The following ETV5 variants were observed in gnomAD, a reference collection of about 807,000 sequenced individuals.
ETV5 encodes ETS translocation variant 5.
In ETV5, 10 loss-of-function variants were observed where a neutral mutation model predicts 70.0. The ratio of observed to expected loss-of-function variants is 0.14; its 90% CI spans 0.09 to 0.24. The LOEUF (loss-of-function observed/expected upper bound fraction) is 0.24. ETV5 is among the 10% of genes least tolerant of loss of function. The pLI, the probability that ETV5 is intolerant of heterozygous loss-of-function variation, is 1.00. For missense variants in ETV5, 453 were observed against 651.2 expected (o/e 0.70, Z 3.31); for synonymous variants, 216 against 242.2 (o/e 0.89, Z 1.01).
chr3:186,061,094 C>T (rs1713293501), intron 9 of ETV5, among the ~76,000 whole-genome samples: 1 of 152,154 alleles, frequency 6.6e-6, no homozygotes, highest in Non-Finnish European at 1.5e-5. Flanking sequence ...GAGTGCGAAG[C>T]AGCTACCCAT....
chr3:186,082,178 T>C (rs576723387), intron 5 of ETV5, among the ~76,000 whole-genome samples: 1 of 152,216 alleles, frequency 6.6e-6, no homozygotes, highest in Non-Finnish European at 1.5e-5. Flanking sequence ...AGGGCTGCCT[T>C]CTAGTTGAGT....
At chr3:186,100,482 T>C (rs1714426657) in intron 5 of ETV5, among the ~76,000 whole-genome samples, 1 of 152,160 alleles carries the variant, frequency 6.6e-6, no homozygotes, top group Admixed American at 6.5e-5. Flanking sequence ...TGTACTAAAC[T>C]CACACATTAA....
intron 5 of ETV5, among the ~76,000 whole-genome samples, chr3:186,097,682 C>T (rs1489809945): frequency 2.0e-5 from 3 of 152,204 alleles, no homozygotes; most frequent in African/African-American, 4.8e-5. Context: ...CCCAGGCCAT[C>T]AGCCCGGCAG....
rs1712888709 is a variant in ETV5 at position 186,046,729 on chromosome 3, A to G, written c.*1910T>C. 4.3e-6 allele frequency: 1 copy of G among 233,196 alleles called. No individual in the cohort carries two copies. Among genetic ancestry groups the G allele is most frequent in the South Asian group, 1.8e-4 (1 of 5,516 alleles). The allele number at this position is 233,196 out of a possible 1,614,324, so 14.4% of individuals were successfully genotyped here. A position where few individuals can be genotyped will look rare whatever the true frequency, so the allele number is the denominator to read the frequency against. On this transcript the variant is annotated 3_prime_UTR_variant, in exon 13 of 13. Coordinates refer to ENST00000306376, the MANE Select transcript of ETV5 (RefSeq NM_004454.3). ...GTAAAGAAAGGAAAACCAAATCTAT[A>G]CAGCATTTACAACAAATAAATCTCT...
chr3:186,048,879 C>G lies in ETV5; in HGVS notation c.1312-19G>C. On this transcript the variant is annotated intron_variant, in intron 12 of 12. Transcript: ENST00000306376. ...CAGCCACCTGCGGGAGAACACACAC[C>G]TTACAGGGCCCAGTTGGAACAGGGC... 1.9e-6 allele frequency: 3 copies of G among 1,601,826 alleles called. No homozygotes were observed. Among genetic ancestry groups the G allele is most frequent in the Non-Finnish European group, 2.6e-6 (3 of 1,170,298 alleles).
intron 9 of ETV5, among the ~76,000 whole-genome samples, chr3:186,058,156 A>T (rs1310761123): frequency 3.3e-5 from 5 of 151,314 alleles, no homozygotes; most frequent in African/African-American, 4.9e-5. Context: ...CAACACATGC[A>T]AACGAAATAA....
intron 5 of ETV5, among the ~76,000 whole-genome samples, chr3:186,100,302 T>G (rs1187209873): frequency 1.3e-5 from 2 of 152,204 alleles, no homozygotes; most frequent in Non-Finnish European, 2.9e-5. Context: ...AACCTCTTAT[T>G]TTTAAAGTGC....
rs1713851575 is a variant in ETV5 at position 186,078,501 on chromosome 3, G to A, written c.650+1316C>T. Among the ~76,000 whole-genome samples the A allele has an allele frequency of 2.0e-5, 3 of 151,992 alleles. No individual in the cohort carries two copies. The South Asian group carries it at 6.2e-4, about 32-fold the overall frequency. On this transcript the variant is annotated intron_variant, in intron 7 of 12. Coordinates refer to ENST00000306376, the MANE Select transcript of ETV5 (RefSeq NM_004454.3). ...GAGAAGTTTTGTTTAGTCTGCAGAG[G>A]TGTTGTTTTTAATTTGAATTAGTTG...
intron 7 of ETV5, among the ~76,000 whole-genome samples, chr3:186,069,088 T>TTAAACTGAAGAGATCTGTG (rs1405306645): frequency 2.0e-5 from 3 of 152,204 alleles, no homozygotes; most frequent in Admixed American, 6.5e-5. Context: ...ATTTACAATC[T>TTAAACTGAAGAGATCTGTG]TAAACTGAAG....
intron 5 of ETV5, among the ~76,000 whole-genome samples, chr3:186,094,321 T>A (rs1714253587): frequency 6.6e-6 from 1 of 152,226 alleles, no homozygotes; most frequent in Non-Finnish European, 1.5e-5. Context: ...CGATTATCTA[T>A]CACTGAATAG....
chr3:186,089,932 C>G (rs1578556818), intron 5 of ETV5, among the ~76,000 whole-genome samples: 1 of 152,294 alleles, frequency 6.6e-6, no homozygotes, highest in East Asian at 1.9e-4. Context: ...GAATGTCAAT[C>G]TGTGGAGACG....
intron 11 of ETV5, among the ~76,000 whole-genome samples, chr3:186,053,457 C>A (rs573129826): frequency 1.3e-5 from 2 of 152,194 alleles, no homozygotes; most frequent in East Asian, 1.9e-4. Context: ...AGAGAGAAAA[C>A]AGCATTTCAC....
chr3:186,079,023 A>G (rs950300240), intron 7 of ETV5: 2 of 1,061,548 alleles, frequency 1.9e-6, no homozygotes, highest in African/African-American at 1.6e-5. Flanking sequence ...ATAGATAGAT[A>G]TGAAATACCA....
chr3:186,101,974 A>C (rs746491211), intron 5 of ETV5, among the ~76,000 whole-genome samples: 1 of 152,208 alleles, frequency 6.6e-6, no homozygotes. Flanking sequence ...TCCATGCTTT[A>C]CTGATATCTA....
intron 5 of ETV5, among the ~76,000 whole-genome samples, chr3:186,091,544 TAA>T (rs1159289158): frequency 2.6e-5 from 4 of 152,232 alleles, no homozygotes; most frequent in African/African-American, 9.6e-5. Flanking sequence ...TAGGGAGTGG[TAA>T]AGCTAGTTCC....
In ETV5 at chr3:186,057,335, C is replaced by T. The variant is rs1202765122; in HGVS notation, c.1039+88G>A. The T allele has an allele frequency of 5.6e-6, 9 of 1,606,064 alleles. No homozygotes were observed. The highest frequency in any genetic ancestry group is 2.7e-5 in the African/African-American group (2 of 74,666). On this transcript the variant is annotated intron_variant, in intron 10 of 12. Coordinates refer to ENST00000306376, the MANE Select transcript of ETV5 (RefSeq NM_004454.3). This position sits in a 1 kb window ranked among gnomAD's most constrained non-coding sequence, Gnocchi z 4.9. ...AAGGAGTTGTTCATGCTGATTTAAT[C>T]ACTGGACTTGGGAAGAGAGTCATGG... is the stretch of plus-strand genomic sequence containing the variant.
In ETV5 at chr3:186,057,261, C is replaced by G; in HGVS notation, c.1040-17G>C. ...TGACTTTGCCTGTTTGGGACAAGGA[C>G]ACATCACACAATAGCTTAGTCCTAA... is the stretch of plus-strand genomic sequence containing the variant. On this transcript the variant is annotated splice_polypyrimidine_tract_variant and intron_variant, in intron 10 of 12. Coordinates refer to ENST00000306376, the MANE Select transcript of ETV5 (RefSeq NM_004454.3). This position sits in a 1 kb window ranked among gnomAD's most constrained non-coding sequence, Gnocchi z 4.9. The G allele has an allele frequency of 6.2e-7, 1 of 1,613,970 alleles. No homozygotes were observed. Among genetic ancestry groups the G allele is most frequent in the Non-Finnish European group, 8.5e-7 (1 of 1,179,914 alleles).
In ETV5 at chr3:186,105,513, A is replaced by C; in HGVS notation, c.134-17T>G. 6.2e-7 allele frequency: 1 copy of C among 1,614,148 alleles called. No individual in the cohort carries two copies. On this transcript the variant is annotated splice_polypyrimidine_tract_variant and intron_variant, in intron 3 of 12. Transcript: ENST00000306376. The surrounding 1 kb of genome is among the most constrained non-coding windows in gnomAD (Gnocchi z 4.5). ...GAAATAGCTCTGAAATTGAAAAAGA[A>C]GACCCCAGAATGAGGATATTTCTTT...
At chr3:186,062,339 G>A (rs989434086) in intron 9 of ETV5, among the ~76,000 whole-genome samples, 24 of 152,134 alleles carry the variant, frequency 1.6e-4, no homozygotes, top group African/African-American at 5.3e-4. Flanking sequence ...TCTGAGTCTC[G>A]GTTTCATTAC....
Sources: gnomAD v4.1 joint callset for allele counts (sites outside exome capture counted in the v4.1 genomes callset) on GRCh38, gnomAD v4.1.1 for gene constraint, Gnocchi (gnomAD v3.1) non-coding constraint, MANE v1.5 for transcripts, NCBI Gene and HGNC (gene_info 2026-07-23, HGNC 2026-07-21) for gene names.